MCTP1: variants seen among roughly 807,000 people sequenced by gnomAD.
MCTP1 encodes the protein multiple C2 and transmembrane domain containing 1, also known as multiple C2 and transmembrane domain-containing protein 1.
A neutral mutation model predicts 120.6 loss-of-function variants in MCTP1; 69 were observed. The observed-to-expected ratio is 0.57, with a 90% CI of 0.47 to 0.70. MCTP1 has a LOEUF of 0.70. Ranked by LOEUF, MCTP1 falls within the 30% of genes least tolerant of loss-of-function variation. MCTP1 has a pLI of 0.00. For synonymous variants in MCTP1, 529 were observed against 493.1 expected (o/e 1.07, Z -0.96); for missense variants, 1,203 against 1,248.8 (o/e 0.96, Z 0.55).
At chr5:95,141,729 A>G (rs978507517) in intron 1 of MCTP1, among the ~76,000 whole-genome samples, 1 of 150,352 alleles carries the variant, frequency 6.7e-6, no homozygotes, top group South Asian at 2.1e-4. Flanking sequence ...CCTTTCTTCT[A>G]TCCTACTTTT....
intron 17 of MCTP1, among the ~76,000 whole-genome samples, chr5:94,825,483 G>C (rs779099756): frequency 6.6e-5 from 10 of 152,140 alleles, no homozygotes; most frequent in South Asian, 6.2e-4. Flanking sequence ...TTTAGAATAA[G>C]TGCTATGTGG....
Position 94,936,282 on chromosome 5 carries a change from A to C in MCTP1, c.1173+3802T>G, listed in dbSNP as rs543908193. Among the ~76,000 whole-genome samples, 3 of 152,148 alleles carry C rather than the reference A, an allele frequency of 2.0e-5. No homozygotes were observed. The South Asian group carries it at 6.2e-4, about 32-fold the overall frequency. ...TCCCTTGGTCTTTTGAAGTCATCAT[A>C]AGGAAGACTTTATGTATTATATATA... On this transcript the variant is annotated intron_variant, in intron 5 of 22. Transcript: ENST00000515393.
At chr5:95,044,225 T>C (rs1167174633) in intron 1 of MCTP1, among the ~76,000 whole-genome samples, 1 of 152,174 alleles carries the variant, frequency 6.6e-6, no homozygotes, top group Admixed American at 6.6e-5. Flanking sequence ...GAGAGGAGAA[T>C]GGAAGAAGCA....
chr5:95,035,354 T>C (rs970876236), intron 1 of MCTP1, among the ~76,000 whole-genome samples: 2 of 151,980 alleles, frequency 1.3e-5, no homozygotes, highest in Admixed American at 6.6e-5. Flanking sequence ...ATAAGGAAAA[T>C]GTGTACATAT....
intron 3 of MCTP1, among the ~76,000 whole-genome samples, chr5:94,950,573 C>CATAT (rs1820241720): frequency 6.6e-6 from 1 of 152,042 alleles, no homozygotes. Flanking sequence ...TAGATACATA[C>CATAT]ATATATACAC....
At chr5:94,727,760 G>A (rs1055878073) in intron 19 of MCTP1, among the ~76,000 whole-genome samples, 2 of 152,066 alleles carry the variant, frequency 1.3e-5, no homozygotes, top group African/African-American at 4.8e-5. Context: ...ACCACTTTGG[G>A]CTTTTATTTC....
intron 2 of MCTP1, among the ~76,000 whole-genome samples, chr5:94,971,361 C>T (rs1826820172): frequency 2.0e-5 from 3 of 151,320 alleles, no homozygotes; most frequent in South Asian, 4.2e-4. Context: ...ACAATGAATG[C>T]AATTTAAAAA....
chr5:95,157,978 A>T (rs74354469), intron 1 of MCTP1, among the ~76,000 whole-genome samples: 3,452 of 152,304 alleles, frequency 0.023, 60 homozygotes, highest in African/African-American at 0.049. Context: ...CCCCTGTTGT[A>T]GTTCATTAAA....
Position 94,909,378 on chromosome 5 carries a change from T to A in MCTP1, c.1525A>T (p.Met509Leu), listed in dbSNP as rs1183173527. The A allele has an allele frequency of 6.4e-7, 1 of 1,571,532 alleles. No individual in the cohort carries two copies. Residue 509 changes from methionine (M) to leucine (L), a missense_variant, in exon 10 of 23, where the codon ATG becomes TTG. Met to Leu is a conservative substitution (Grantham distance 15, BLOSUM62 2). Transcript: ENST00000515393. ...LGHQKYKSKI[M>L]PKTLNPQWRE... ...CACTGAGGATTCAACGTTTTTGGCA[T>A]AATCTGGAAAAAAAAATCATAATTG... is the stretch of plus-strand genomic sequence containing the variant.
At chr5:95,233,847 C>T (rs1441316928) in intron 1 of MCTP1, among the ~76,000 whole-genome samples, 2 of 151,720 alleles carry the variant, frequency 1.3e-5, no homozygotes, top group African/African-American at 4.8e-5. Context: ...AAAAGAAGAG[C>T]AACTTAAATC....
intron 17 of MCTP1, among the ~76,000 whole-genome samples, chr5:94,852,520 A>G (rs1793951949): frequency 6.6e-6 from 1 of 151,890 alleles, no homozygotes; most frequent in South Asian, 2.1e-4. Flanking sequence ...AAAAAATTGT[A>G]TTATAGTTGG....
chr5:94,902,041 G>T (rs765498751), intron 10 of MCTP1, among the ~76,000 whole-genome samples: 1 of 152,074 alleles, frequency 6.6e-6, no homozygotes, highest in Admixed American at 6.6e-5. Flanking sequence ...GCACCCTTTG[G>T]GGCTCACTCG....
At chr5:95,174,328 C>T (rs1391416356) in intron 1 of MCTP1, among the ~76,000 whole-genome samples, 1 of 152,006 alleles carries the variant, frequency 6.6e-6, no homozygotes, top group African/African-American at 2.4e-5. Flanking sequence ...TGCTCATTAT[C>T]ATAAAATTTC....
At chr5:95,069,637 C>G (rs1191121253) in intron 1 of MCTP1, among the ~76,000 whole-genome samples, 1 of 151,782 alleles carries the variant, frequency 6.6e-6, no homozygotes, top group Non-Finnish European at 1.5e-5. Context: ...GCTCCTTGTC[C>G]TTAGGCTCAC....
At chr5:95,068,084 AAG>A (rs1371011696) in intron 1 of MCTP1, among the ~76,000 whole-genome samples, 1 of 152,198 alleles carries the variant, frequency 6.6e-6, no homozygotes, top group African/African-American at 2.4e-5. Context: ...TTGATAAAGA[AAG>A]AGAGGCAATT....
Position 95,229,651 on chromosome 5 carries a change from G to A in MCTP1, c.720+54205C>T, listed in dbSNP as rs1389384170. ...AGCTACTCAAGAGGCTGAGGCAGGAGAATCGCTTCAACCTGGGAGGCGGAG... is the reference window on the plus strand; with the variant it reads ...AGCTACTCAAGAGGCTGAGGCAGGAAAATCGCTTCAACCTGGGAGGCGGAG... On this transcript the variant is annotated intron_variant, in intron 1 of 22. Transcript: ENST00000515393. 2.6e-5 allele frequency among the ~76,000 whole-genome samples: 4 copies of A among 151,878 alleles called. No individual in the cohort carries two copies. The East Asian group carries it at 7.7e-4, about 29-fold the overall frequency.
intron 19 of MCTP1, among the ~76,000 whole-genome samples, chr5:94,719,540 C>T (rs1760359187): frequency 6.6e-6 from 1 of 152,132 alleles, no homozygotes; most frequent in African/African-American, 2.4e-5. Context: ...AGCTGGAAGC[C>T]ATTATCCTCA....
At chr5:94,912,163 T>TA (rs1808792009) in intron 9 of MCTP1, among the ~76,000 whole-genome samples, 1 of 151,946 alleles carries the variant, frequency 6.6e-6, no homozygotes, top group South Asian at 2.1e-4. Context: ...CTAGTTGTAA[T>TA]AATGTTAAAA....
chr5:95,181,790 C>T (rs865900998), intron 1 of MCTP1, among the ~76,000 whole-genome samples: 5 of 152,290 alleles, frequency 3.3e-5, no homozygotes, highest in Middle Eastern at 3.4e-3. Flanking sequence ...GTCCACAAAT[C>T]GCTATGTGAA....
Sources: allele counts gnomAD v4.1 joint callset (sites outside exome capture counted in the v4.1 genomes callset), GRCh38; gene constraint gnomAD v4.1.1; transcripts MANE v1.5; gene names NCBI Gene and HGNC (gene_info 2026-07-23, HGNC 2026-07-21).